ADGRL4: variants seen among roughly 807,000 people sequenced by gnomAD.
ADGRL4 encodes the protein EGF, latrophilin and seven transmembrane domain containing 1.
ADGRL4 carries 90 observed loss-of-function variants against 74.8 expected under a neutral mutation model. That is an observed-to-expected ratio of 1.20 (90% CI 1.02 to 1.43). The LOEUF (loss-of-function observed/expected upper bound fraction) is 1.43. Ranked by LOEUF, ADGRL4 falls within the 40% of genes most tolerant of loss-of-function variation. ADGRL4 has a pLI of 0.00. For synonymous variants in ADGRL4, 311 were observed against 279.2 expected, an observed-to-expected ratio of 1.11 and a Z score of -1.14; for missense variants, 881 against 814.3, an observed-to-expected ratio of 1.08 and a Z score of -1.00.
At chr1:78,891,429 A>C in intron 14 of ADGRL4, 95 bp downstream of exon 14, 1 of 1,362,628 alleles carries the variant, frequency 7.3e-7, no homozygotes, top group Admixed American at 2.4e-5. Context: ...ATAAAGGCAG[A>C]AGTCATAAAT....
chr1:78,936,933 G>A (rs1206807371), intron 6 of ADGRL4, among the ~76,000 whole-genome samples: 1 of 152,134 alleles, frequency 6.6e-6, no homozygotes, highest in African/African-American at 2.4e-5. Context: ...CTGTTGCACA[G>A]CAGAATGCCA....
chr1:78,916,434 C>G (rs1648874554), intron 12 of ADGRL4, among the ~76,000 whole-genome samples: 1 of 151,758 alleles, frequency 6.6e-6, no homozygotes, highest in Non-Finnish European at 1.5e-5. Context: ...GAGTGGGACA[C>G]CATTTTATAT....
chr1:78,946,379 T>G lies in ADGRL4; in HGVS notation c.220A>C (p.Asn74His), dbSNP rs1322505372. The G allele has an allele frequency of 6.2e-7, 1 of 1,612,962 alleles. No individual in the cohort carries two copies. Among genetic ancestry groups the G allele is most frequent in the East Asian group, 2.2e-5 (1 of 44,762 alleles). The part of the protein sequence containing the change: ...NLTQSCGENA[N>H]CTNTEGSYYC... ...TAACTTCCTTCTGTGTTAGTGCAAT[T>G]AGCATTTTCGCCACAGGACTGAGTT... Residue 74 changes from asparagine to histidine, a missense_variant, in exon 3 of 15, where the codon AAT (asparagine) becomes CAT (histidine). Transcript: ENST00000370742.
chr1:78,891,209 T>A lies in ADGRL4; in HGVS notation c.2018A>T (p.Glu673Val). ...FLCVLSRKIQ[E>V]EYYRLFKNVP... ...ATTTTTGAACAATCTGTAATATTCT[T>A]CTTGAATCTAAAAATTAAAAAAAGG... The change falls in exon 15 of 15, where the codon GAA (glutamate) becomes GTA (valine). Residue 673 changes from glutamate (E) to valine (V), a missense_variant. Glu to Val is a moderately radical substitution (Grantham distance 121). Transcript: ENST00000370742. The A allele has an allele frequency of 6.2e-7, 1 of 1,603,088 alleles. No individual in the cohort carries two copies.
At chr1:78,983,265 A>G (rs1650431245) in intron 2 of ADGRL4, among the ~76,000 whole-genome samples, 1 of 151,876 alleles carries the variant, frequency 6.6e-6, no homozygotes, top group Admixed American at 6.6e-5. Context: ...ATCAGTGAGA[A>G]TCAGCAGAAA....
rs556599855 is a variant in ADGRL4 at position 78,932,468 on chromosome 1, G to A, written c.877+3827C>T. Among the ~76,000 whole-genome samples, 4 of 151,308 alleles carry A rather than the reference G, an allele frequency of 2.6e-5. No homozygotes were observed. In the East Asian group the frequency reaches 5.8e-4, roughly 22 times the overall value. ...TAGCACTAAATGCCCACAACAGAAA[G>A]CTAGAAAAATCTCAAATCAATACCC... On this transcript the variant is annotated intron_variant, in intron 7 of 14. Transcript: ENST00000370742.
In ADGRL4 at chr1:78,926,886, C is replaced by T. The variant is rs762229427; in HGVS notation, c.1083G>A (p.Lys361=). ...EKITFTLSHR[K]VTDRYRSLCA... ...AATAACTACCAGAAAAACAGCTTAC[C>T]TTTCGATGACTTAATGTAAATGTTA... The change falls in exon 8 of 15, where the codon AAG becomes AAA. Residue 361 remains lysine, a splice_region_variant and synonymous_variant. Coordinates refer to ENST00000370742, the MANE Select transcript of ADGRL4 (RefSeq NM_022159.4). 2.5e-6 allele frequency: 4 copies of T among 1,608,534 alleles called. No homozygotes were observed. The highest frequency in any genetic ancestry group is 2.2e-5 in the East Asian group (1 of 44,592).
intron 2 of ADGRL4, among the ~76,000 whole-genome samples, chr1:78,973,293 A>G (rs999430657): frequency 6.6e-6 from 1 of 152,086 alleles, no homozygotes; most frequent in Non-Finnish European, 1.5e-5. Context: ...TAAGCATTAT[A>G]TATAAGCTAT....
chr1:78,906,854 C>A (rs1034394225), intron 12 of ADGRL4, among the ~76,000 whole-genome samples: 2 of 151,890 alleles, frequency 1.3e-5, no homozygotes, highest in Non-Finnish European at 2.9e-5. Context: ...TTTAATTTTT[C>A]ATTTAAAAGG....
At chr1:78,966,851 T>A (rs749354169) in intron 2 of ADGRL4, among the ~76,000 whole-genome samples, 2 of 151,040 alleles carry the variant, frequency 1.3e-5, no homozygotes, top group Non-Finnish European at 3.0e-5. Flanking sequence ...TTAAGCTAGT[T>A]TTTTTTTCTT....
intron 2 of ADGRL4, among the ~76,000 whole-genome samples, chr1:78,998,362 C>CTTTTTTTTTTT: frequency 1.5e-5 from 1 of 65,010 alleles, no homozygotes; most frequent in Non-Finnish European, 2.7e-5. Context: ...TCCACTGATT[C>CTTTTTTTTTTT]TTTTTTTTTT....
chr1:78,918,268 T>C (rs1165894550), intron 10 of ADGRL4, among the ~76,000 whole-genome samples: 1 of 151,900 alleles, frequency 6.6e-6, no homozygotes, highest in Non-Finnish European at 1.5e-5. Context: ...AATCTTGTGA[T>C]AGAACTGTTA....
intron 2 of ADGRL4, among the ~76,000 whole-genome samples, chr1:78,992,321 G>T (rs1158486054): frequency 3.9e-5 from 6 of 151,936 alleles, no homozygotes; most frequent in Non-Finnish European, 7.4e-5. Flanking sequence ...GGATTTCTTG[G>T]TAATATAAAT....
At chr1:78,975,580 A>G (rs1281064179) in intron 2 of ADGRL4, among the ~76,000 whole-genome samples, 1 of 151,906 alleles carries the variant, frequency 6.6e-6, no homozygotes, top group Non-Finnish European at 1.5e-5. Context: ...CAATTTCTTA[A>G]ACTCTAAAAT....
chr1:78,971,956 T>G (rs941839233), intron 2 of ADGRL4, among the ~76,000 whole-genome samples: 2 of 152,152 alleles, frequency 1.3e-5, no homozygotes, highest in Admixed American at 1.3e-4. Flanking sequence ...GGTTTCACCA[T>G]GTCAGTCAGG....
At chr1:78,977,751 C>T (rs1650315470) in intron 2 of ADGRL4, among the ~76,000 whole-genome samples, 1 of 151,678 alleles carries the variant, frequency 6.6e-6, no homozygotes, top group South Asian at 2.1e-4. Flanking sequence ...TTTCATCTGG[C>T]ACTACCAGAA....
chr1:78,976,242 C>T (rs142132186), intron 2 of ADGRL4, among the ~76,000 whole-genome samples: 3,465 of 151,994 alleles, frequency 0.023, 71 homozygotes, highest in Middle Eastern at 0.078. Context: ...TAAATAAGTG[C>T]TGCATACTAC....
chr1:78,929,810 C>A (rs528566653), intron 7 of ADGRL4, among the ~76,000 whole-genome samples: 1 of 151,348 alleles, frequency 6.6e-6, no homozygotes, highest in Non-Finnish European at 1.5e-5. Flanking sequence ...ACAAAGCTAC[C>A]GTACAATCAG....
intron 2 of ADGRL4, among the ~76,000 whole-genome samples, chr1:78,987,479 C>CCATT (rs1650521541): frequency 6.6e-6 from 1 of 151,610 alleles, no homozygotes; most frequent in African/African-American, 2.4e-5. Flanking sequence ...AAAATTACCA[C>CCATT]CATTAATTAA....
Sources: gnomAD v4.1 joint callset for allele counts (sites outside exome capture counted in the v4.1 genomes callset) on GRCh38, gnomAD v4.1.1 for gene constraint, MANE v1.5 for transcripts, NCBI Gene and HGNC (gene_info 2026-07-23, HGNC 2026-07-21) for gene names.